GRAMD1B: variants seen among roughly 807,000 people sequenced by gnomAD.
GRAMD1B encodes GRAM domain containing 1B.
Under a neutral mutation model 99.7 loss-of-function variants are expected in GRAMD1B, and 37 were observed. The observed-to-expected ratio is 0.37, with a 90% CI of 0.29 to 0.49. The LOEUF (loss-of-function observed/expected upper bound fraction) is 0.49, where lower values mean the gene tolerates loss of function less well. Among genes scored for constraint, GRAMD1B ranks in the 20% least tolerant of loss-of-function variants. The pLI, the probability that GRAMD1B is intolerant of heterozygous loss-of-function variation, is 0.98. For synonymous variants in GRAMD1B, 427 were observed against 387.6 expected (o/e 1.10, Z -1.19); for missense variants, 888 against 1,009.2 (o/e 0.88, Z 1.63).
intron 1 of GRAMD1B, among the ~76,000 whole-genome samples, chr11:123,437,197 G>C (rs1949201482): frequency 6.6e-6 from 1 of 152,158 alleles, no homozygotes; most frequent in African/African-American, 2.4e-5. Context: ...TCTGAGCTCA[G>C]GGAATAGCGT....
intron 17 of GRAMD1B, among the ~76,000 whole-genome samples, chr11:123,616,643 C>T (rs975912139): frequency 1.3e-5 from 2 of 152,258 alleles, no homozygotes; most frequent in East Asian, 1.9e-4. Context: ...ACAGCCTACA[C>T]GTGGGACGGG....
At chr11:123,400,814 G>A (rs997581535) in intron 1 of GRAMD1B, among the ~76,000 whole-genome samples, 2 of 152,138 alleles carry the variant, frequency 1.3e-5, no homozygotes, top group African/African-American at 4.8e-5. Flanking sequence ...TATATGTTCT[G>A]TCATTCCTTA....
At chr11:123,468,192 A>G (rs1362499043) in intron 1 of GRAMD1B, among the ~76,000 whole-genome samples, 2 of 152,130 alleles carry the variant, frequency 1.3e-5, no homozygotes, top group African/African-American at 2.4e-5. Context: ...ATGTTCAAAA[A>G]GTATGCACAA....
chr11:123,465,827 G>A (rs1195832119), intron 1 of GRAMD1B, among the ~76,000 whole-genome samples: 1 of 152,042 alleles, frequency 6.6e-6, no homozygotes, highest in Non-Finnish European at 1.5e-5. Flanking sequence ...GTTCTTGGTG[G>A]AGAGGAAGTT....
intron 2 of GRAMD1B, among the ~76,000 whole-genome samples, chr11:123,568,731 A>G (rs1396937596): frequency 1.3e-5 from 2 of 151,822 alleles, no homozygotes; most frequent in African/African-American, 4.8e-5. Flanking sequence ...ACTCTGCTTT[A>G]GTGTAAGTTT....
chr11:123,566,247 G>A (rs56269648), intron 2 of GRAMD1B, among the ~76,000 whole-genome samples: 3,494 of 152,230 alleles, frequency 0.023, 62 homozygotes, highest in East Asian at 0.087. Flanking sequence ...ATTTTCTCAA[G>A]GGCACCAATC....
intron 2 of GRAMD1B, among the ~76,000 whole-genome samples, chr11:123,503,506 A>T (rs1940108469): frequency 6.6e-6 from 1 of 151,902 alleles, no homozygotes; most frequent in Admixed American, 6.6e-5. Flanking sequence ...CGTTGATTGA[A>T]TGTGCCTATT....
At position 123,559,636 on chromosome 11, in the gene GRAMD1B, T is replaced by C. The variant is rs1946493255; in HGVS notation, c.453-17731T>C. On this transcript the variant is annotated intron_variant, in intron 2 of 19. Transcript: ENST00000635736. ...AATGGACAGAGAAAAAAAAAACACTTCTAAGAGGTGCAGCTTAGAATTAGA... is the reference window on the plus strand; with the variant it reads ...AATGGACAGAGAAAAAAAAAACACTCCTAAGAGGTGCAGCTTAGAATTAGA... 4.1e-6 allele frequency: 4 copies of C among 983,456 alleles called. No homozygotes were observed. In the South Asian group the frequency reaches 1.9e-4, roughly 46 times the overall value. 60.9% of individuals were successfully genotyped at this position (983,456 alleles called of 1,614,324 possible).
At position 123,531,055 on chromosome 11, in the gene GRAMD1B, G is replaced by A. The variant is rs147584501; in HGVS notation, c.453-46312G>A. 4.0e-3 allele frequency among the ~76,000 whole-genome samples: 605 copies of A among 152,292 alleles called. 9 individuals carry two copies. Among genetic ancestry groups the A allele is most frequent in the African/African-American group, 0.014 (573 of 41,550 alleles). ...GTTGCTAGTGATGTGGACTGTTTGC[G>A]TTCTTCTGTAGCCAGCAGGGGACAC... is the stretch of plus-strand genomic sequence containing the variant. On this transcript the variant is annotated intron_variant, in intron 2 of 19. Transcript: ENST00000635736.
intron 2 of GRAMD1B, among the ~76,000 whole-genome samples, chr11:123,550,298 G>T (rs1285800654): frequency 6.6e-6 from 1 of 152,162 alleles, no homozygotes; most frequent in East Asian, 1.9e-4. Flanking sequence ...GGGCCAGGAG[G>T]TAACAGCAGC....
At position 123,603,571 on chromosome 11, in the gene GRAMD1B, G is replaced by A. The variant is rs541415328; in HGVS notation, c.1166+30G>A. On this transcript the variant is annotated intron_variant, in intron 9 of 19. Coordinates refer to ENST00000635736, the MANE Select transcript of GRAMD1B (RefSeq NM_001387025.1). ...GTGAGGCCAAGGGCGGCTGCCCAGA[G>A]GCAGCCGTGCGAGTGCCTGCAGGAA... 12 of 1,362,990 alleles carry A rather than the reference G, an allele frequency of 8.8e-6. No individual in the cohort carries two copies. In the East Asian group the frequency reaches 2.3e-4, roughly 26 times the overall value. The allele number at this position is 1,362,990 out of a possible 1,614,324, so 84.4% of individuals were successfully genotyped here. A position where few individuals can be genotyped will look rare whatever the true frequency, so the allele number is the denominator to read the frequency against.
At chr11:123,456,099 A>G (rs1240698102) in intron 1 of GRAMD1B, among the ~76,000 whole-genome samples, 1 of 152,122 alleles carries the variant, frequency 6.6e-6, no homozygotes, top group African/African-American at 2.4e-5. Flanking sequence ...TGAACCAGGG[A>G]GGTGGAGGGA....
At chr11:123,466,677 A>G (rs1236056876) in intron 1 of GRAMD1B, among the ~76,000 whole-genome samples, 1 of 152,048 alleles carries the variant, frequency 6.6e-6, no homozygotes, top group East Asian at 1.9e-4. Flanking sequence ...GGGGAAAGTG[A>G]GGGGATGGTG....
At chr11:123,559,696 G>A in intron 2 of GRAMD1B, 1 of 985,032 alleles carries the variant, frequency 1.0e-6, no homozygotes, top group Non-Finnish European at 1.2e-6. Context: ...ACGAATGTAA[G>A]TGCTTTCCCT....
At chr11:123,529,408 G>T (rs1276540622) in intron 2 of GRAMD1B, among the ~76,000 whole-genome samples, 2 of 152,226 alleles carry the variant, frequency 1.3e-5, no homozygotes, top group East Asian at 3.8e-4. Flanking sequence ...AGATGACCGT[G>T]ACATATGTCT....
chr11:123,385,526 C>G (rs576479879), intron 1 of GRAMD1B, among the ~76,000 whole-genome samples: 1 of 152,318 alleles, frequency 6.6e-6, no homozygotes, highest in South Asian at 2.1e-4. Flanking sequence ...GAATACCTTT[C>G]CTGTCCACTG....
rs757894340 is a variant in GRAMD1B, at chr11:123,606,652, G to T, written c.1367G>T (p.Gly456Val). The T allele has an allele frequency of 1.9e-6, 3 of 1,613,002 alleles. No homozygotes were observed. The South Asian group carries it at 3.3e-5, about 18-fold the overall frequency. ...PLEEEALEGD[G>V]SLEKELAIDN... ...GAGGAAGAGGCGCTGGAGGGAGACG[G>T]GTCCCTGGAAAAGGAGCTCGCCATT... is the stretch of plus-strand genomic sequence containing the variant. The change falls in exon 11 of 20, where the codon GGG becomes GTG. Residue 456 changes from glycine (G) to valine (V), a missense_variant. Physicochemically the swap from Gly to Val is moderately radical, Grantham distance 109. This residue lies in a region of GRAMD1B where 269 missense variants were observed against 296.6 expected (regional missense o/e 0.91). Transcript: ENST00000635736.
intron 2 of GRAMD1B, chr11:123,560,679 GGTGC>G (rs781468919): frequency 1.4e-5 from 6 of 435,870 alleles, no homozygotes; most frequent in African/African-American, 9.3e-5. Context: ...GCTGACGCCT[GGTGC>G]GTGTGTGTGT....
chr11:123,528,389 T>C (rs1943014278), intron 2 of GRAMD1B, among the ~76,000 whole-genome samples: 1 of 152,240 alleles, frequency 6.6e-6, no homozygotes, highest in Non-Finnish European at 1.5e-5. Context: ...GTTGGTGATA[T>C]ATAAAATGAT....
Sources: allele counts gnomAD v4.1 joint callset (sites outside exome capture counted in the v4.1 genomes callset), GRCh38; gene constraint gnomAD v4.1.1; regional missense constraint gnomAD v4.1.1; transcripts MANE v1.5; gene names NCBI Gene and HGNC (gene_info 2026-07-23, HGNC 2026-07-21).